Variants in RBMS3 observed in about 807,000 individuals in gnomAD.
RBMS3 encodes the protein RNA binding motif single stranded interacting protein 3.
Under a neutral mutation model 66.8 loss-of-function variants are expected in RBMS3, and 27 were observed. The observed-to-expected ratio is 0.40, with a 90% confidence interval of 0.30 to 0.56. RBMS3 has a LOEUF of 0.56. Among genes scored for constraint, RBMS3 ranks in the 20% least tolerant of loss-of-function variants. RBMS3 has a pLI of 0.40. For missense variants in RBMS3, 513 were observed against 549.5 expected (o/e 0.93, Z 0.66); for synonymous variants, 188 against 183.0 (o/e 1.03, Z -0.22).
intron 10 of RBMS3, among the ~76,000 whole-genome samples, chr3:29,928,349 G>T (rs2061008074): frequency 2.9e-5 from 2 of 70,054 alleles, no homozygotes; most frequent in Admixed American, 1.5e-4. Context: ...TTGGTGGGTA[G>T]AGATCAATGG....
intron 2 of RBMS3, among the ~76,000 whole-genome samples, chr3:29,455,766 TG>T (rs1235588069): frequency 6.6e-6 from 1 of 150,638 alleles, no homozygotes; most frequent in Non-Finnish European, 1.5e-5. Context: ...CCACTACACG[TG>T]GGGACCATTT....
intron 5 of RBMS3, among the ~76,000 whole-genome samples, chr3:29,749,743 T>C (rs2055088518): frequency 6.6e-6 from 1 of 152,192 alleles, no homozygotes; most frequent in South Asian, 2.1e-4. Flanking sequence ...CAGAGGCCTT[T>C]TATTGGGTTT....
chr3:29,813,348 G>T (rs2057779897), intron 6 of RBMS3, among the ~76,000 whole-genome samples: 1 of 151,956 alleles, frequency 6.6e-6, no homozygotes, highest in Non-Finnish European at 1.5e-5. Flanking sequence ...CTCCAAAAAG[G>T]CATGAGTTAG....
intron 6 of RBMS3, among the ~76,000 whole-genome samples, chr3:29,831,007 T>C (rs2058356928): frequency 6.6e-6 from 1 of 152,156 alleles, no homozygotes. Context: ...ATTTCAGTAA[T>C]GCAATGACCT....
intron 3 of RBMS3, among the ~76,000 whole-genome samples, chr3:29,567,630 G>A (rs932084581): frequency 6.6e-6 from 1 of 152,076 alleles, no homozygotes; most frequent in African/African-American, 2.4e-5. Flanking sequence ...AATCGAAGGA[G>A]CAATAGTGGT....
At chr3:29,324,238 T>TG (rs2035186556) in intron 1 of RBMS3, among the ~76,000 whole-genome samples, 1 of 152,192 alleles carries the variant, frequency 6.6e-6, no homozygotes, top group African/African-American at 2.4e-5. Flanking sequence ...CAGCAGTCAC[T>TG]GTGGCTGAGG....
intron 1 of RBMS3, among the ~76,000 whole-genome samples, chr3:29,417,664 G>A (rs923998130): frequency 2.6e-5 from 4 of 152,040 alleles, no homozygotes; most frequent in African/African-American, 9.7e-5. Context: ...TCAAAACAGA[G>A]ATATGTGGTT....
At chr3:29,452,919 A>C (rs1462375816) in intron 2 of RBMS3, among the ~76,000 whole-genome samples, 4 of 152,176 alleles carry the variant, frequency 2.6e-5, no homozygotes, top group African/African-American at 7.2e-5. Context: ...TTGAATATAC[A>C]TTTTTCAGGG....
chr3:29,889,666 A>G (rs1358384009), intron 8 of RBMS3, among the ~76,000 whole-genome samples: 2 of 151,676 alleles, frequency 1.3e-5, no homozygotes, highest in Non-Finnish European at 3.0e-5. Context: ...AAGTTTGACA[A>G]TTAGTCTTTT....
intron 13 of RBMS3, among the ~76,000 whole-genome samples, chr3:29,989,737 T>A (rs1698698493): frequency 6.6e-6 from 1 of 152,254 alleles, no homozygotes; most frequent in African/African-American, 2.4e-5. Flanking sequence ...GAATGTGTCA[T>A]CTTAAACAGT....
At chr3:29,977,381 G>A (rs752800213) in intron 12 of RBMS3, among the ~76,000 whole-genome samples, 1 of 152,114 alleles carries the variant, frequency 6.6e-6, no homozygotes, top group Non-Finnish European at 1.5e-5. Context: ...TGCTTTAGTG[G>A]AGGAAAAGAG....
chr3:29,367,557 A>G (rs2037977090), intron 1 of RBMS3, among the ~76,000 whole-genome samples: 1 of 152,172 alleles, frequency 6.6e-6, no homozygotes, highest in African/African-American at 2.4e-5. Flanking sequence ...AGAAACACAT[A>G]ATAAATAGTA....
chr3:29,517,291 G>GTT (rs2044666814), intron 3 of RBMS3, among the ~76,000 whole-genome samples: 1 of 137,930 alleles, frequency 7.3e-6, no homozygotes, highest in African/African-American at 3.0e-5. Flanking sequence ...GTGTGTGTGT[G>GTT]TGTGTGTGTG....
chr3:29,411,554 A>G (rs73042515), intron 1 of RBMS3, among the ~76,000 whole-genome samples: 3,911 of 152,270 alleles, frequency 0.026, 69 homozygotes, highest in East Asian at 0.039. Flanking sequence ...CAAACTAGTT[A>G]TTATTTGCTA....
At chr3:29,910,752 T>C (rs2060493873) in intron 10 of RBMS3, among the ~76,000 whole-genome samples, 1 of 145,972 alleles carries the variant, frequency 6.9e-6, no homozygotes, top group Non-Finnish European at 1.5e-5. Flanking sequence ...AAACTATACA[T>C]ATACATATAT....
intron 3 of RBMS3, among the ~76,000 whole-genome samples, chr3:29,523,347 A>G (rs533451567): frequency 6.6e-6 from 1 of 152,186 alleles, no homozygotes; most frequent in African/African-American, 2.4e-5. Context: ...TAGAATCTTA[A>G]ATTTTTATAG....
chr3:29,334,307 G>A (rs1559496109), intron 1 of RBMS3, among the ~76,000 whole-genome samples: 1 of 152,064 alleles, frequency 6.6e-6, no homozygotes, highest in African/African-American at 2.4e-5. Context: ...GAGTTAAGAT[G>A]TCTTTACAAA....
chr3:29,437,760 C>A (rs1259868716), intron 2 of RBMS3, among the ~76,000 whole-genome samples: 1 of 152,164 alleles, frequency 6.6e-6, no homozygotes, highest in African/African-American at 2.4e-5. Flanking sequence ...TGCCTCTTAA[C>A]GTTGGTTTCC....
chr3:29,730,651 T>G (rs2054090405), intron 4 of RBMS3, among the ~76,000 whole-genome samples: 1 of 151,992 alleles, frequency 6.6e-6, no homozygotes, highest in Non-Finnish European at 1.5e-5. Flanking sequence ...TATCTCAGAG[T>G]TCATAGCAGG....
Sources: allele counts gnomAD v4.1 joint callset (sites outside exome capture counted in the v4.1 genomes callset), GRCh38; gene constraint gnomAD v4.1.1; transcripts MANE v1.5; gene names NCBI Gene and HGNC (gene_info 2026-07-23, HGNC 2026-07-21).